KAZN: variants seen among roughly 807,000 people sequenced by gnomAD.
KAZN encodes kazrin, periplakin interacting protein.
Under a neutral mutation model 87.4 loss-of-function variants are expected in KAZN, and 40 were observed. The observed-to-expected ratio is 0.46, with a 90% CI of 0.36 to 0.60. The LOEUF is 0.60. Ranked by LOEUF, KAZN falls within the 20% of genes least tolerant of loss-of-function variation. The pLI is 0.00. For synonymous variants in KAZN, 466 were observed against 458.3 expected (o/e 1.02, Z -0.22); for missense variants, 898 against 1,073.9 (o/e 0.84, Z 2.29).
chr1:15,022,621 G>A (rs1315576254), intron 2 of KAZN, among the ~76,000 whole-genome samples: 1 of 152,186 alleles, frequency 6.6e-6, no homozygotes, highest in South Asian at 2.1e-4. Context: ...CACAGACATG[G>A]CTGGACTTGT....
intron 1 of KAZN, among the ~76,000 whole-genome samples, chr1:14,877,899 A>G (rs1652943441): frequency 6.6e-6 from 1 of 152,084 alleles, no homozygotes; most frequent in African/African-American, 2.4e-5. Context: ...TCTTTTATAT[A>G]CCAGGCTGGC....
At chr1:13,971,857 C>T (rs965490264) in intron 1 of KAZN, among the ~76,000 whole-genome samples, 12 of 152,162 alleles carry the variant, frequency 7.9e-5, no homozygotes, top group Non-Finnish European at 1.8e-4. Flanking sequence ...ACCTCCCCTC[C>T]TCCCTCTTGC....
chr1:14,595,068 C>T (rs548762432), upstream of KAZN, among the ~76,000 whole-genome samples: 168 of 151,982 alleles, frequency 1.1e-3, 3 homozygotes, highest in South Asian at 0.032. Context: ...TGCTTGAACC[C>T]GGGAGGCAGA....
intron 2 of KAZN, among the ~76,000 whole-genome samples, chr1:14,400,522 TACCCAGCATCC>T (rs1488435811): frequency 6.6e-6 from 1 of 152,156 alleles, no homozygotes; most frequent in Non-Finnish European, 1.5e-5. Context: ...CTCCAGCTCT[TACCCAGCATCC>T]ACTCAGCAGC....
chr1:14,264,106 G>A (rs1651290185), intron 2 of KAZN, among the ~76,000 whole-genome samples: 1 of 152,250 alleles, frequency 6.6e-6, no homozygotes, highest in South Asian at 2.1e-4. Flanking sequence ...TCAGGGTACA[G>A]TGTGAGTCAG....
chr1:14,335,980 A>G (rs569358444), intron 2 of KAZN, among the ~76,000 whole-genome samples: 2 of 152,356 alleles, frequency 1.3e-5, no homozygotes, highest in Non-Finnish European at 2.9e-5. Context: ...AATGCAGGTG[A>G]GAGACACTGG....
At chr1:14,681,630 TATATATATATATATATATATATATATA>T (rs1430030118) in intron 1 of KAZN, among the ~76,000 whole-genome samples, 136 of 12,194 alleles carry the variant, frequency 0.011, no homozygotes, top group African/African-American at 0.036. Flanking sequence ...TATATATATA[TATATATATATATATATATATATATATA>T]TTTTTTTTTT....
In KAZN at chr1:14,996,107, CG is replaced by C. The variant is rs1253223311; in HGVS notation, c.418+35233del. Among the ~76,000 whole-genome samples the C allele has an allele frequency of 2.0e-5, 3 of 152,158 alleles. No individual in the cohort carries two copies. The highest frequency in any genetic ancestry group is 2.9e-5 in the Non-Finnish European group (2 of 68,036). ...GAGGGTCCATACCCTGCACAGCAGA[CG>C]CGAGTGTGCATGTCAGTTTCCAGGC... On this transcript the variant is annotated intron_variant, in intron 2 of 14. Transcript: ENST00000376030. This position sits in a 1 kb window ranked among gnomAD's most constrained non-coding sequence, Gnocchi z 5.9.
chr1:13,962,123 A>G (rs1269435884), intron 1 of KAZN, among the ~76,000 whole-genome samples: 2 of 152,134 alleles, frequency 1.3e-5, no homozygotes, highest in Non-Finnish European at 2.9e-5. Flanking sequence ...GGAGAAGTGG[A>G]TGCAGGGAGG....
At chr1:14,970,141 AATC>A (rs1664867386) in intron 2 of KAZN, among the ~76,000 whole-genome samples, 1 of 152,166 alleles carries the variant, frequency 6.6e-6, no homozygotes, top group Non-Finnish European at 1.5e-5. Flanking sequence ...AATAATTAAT[AATC>A]ATCATCATTT....
chr1:13,979,930 C>CAAAAAA (rs142839854), intron 1 of KAZN, among the ~76,000 whole-genome samples: 1 of 100,456 alleles, frequency 1.0e-5, no homozygotes. Context: ...GACTCCGTCT[C>CAAAAAA]AAAAAAAAAA....
At chr1:14,430,213 C>CAAAA (rs35741487) in intron 2 of KAZN, among the ~76,000 whole-genome samples, 1 of 105,820 alleles carries the variant, frequency 9.5e-6, no homozygotes. Flanking sequence ...GCCCTGCAAC[C>CAAAA]AAAAAAAAAA....
At chr1:13,994,072 A>G (rs1413914625) in intron 1 of KAZN, among the ~76,000 whole-genome samples, 1 of 152,218 alleles carries the variant, frequency 6.6e-6, no homozygotes, top group Non-Finnish European at 1.5e-5. Context: ...CTTGGAGAAC[A>G]TCTTAAGGAA....
intron 1 of KAZN, among the ~76,000 whole-genome samples, chr1:14,150,097 C>G (rs1012152099): frequency 5.9e-5 from 9 of 152,130 alleles, no homozygotes; most frequent in Non-Finnish European, 2.9e-5. Context: ...TGACCTGTTT[C>G]CTGGAAGCAT....
chr1:14,409,601 A>C (rs1199732033), intron 2 of KAZN, among the ~76,000 whole-genome samples: 2 of 152,222 alleles, frequency 1.3e-5, no homozygotes, highest in Middle Eastern at 3.2e-3. Flanking sequence ...TGGGGAATCT[A>C]TAAGAAGCCA....
At chr1:14,467,256 A>T (rs188665662) in intron 2 of KAZN, among the ~76,000 whole-genome samples, 323 of 152,170 alleles carry the variant, frequency 2.1e-3, no homozygotes, top group Middle Eastern at 3.4e-3. Context: ...CATTAATTTG[A>T]ATTAGATTGT....
At chr1:14,890,814 C>G (rs1654625084) in intron 1 of KAZN, among the ~76,000 whole-genome samples, 1 of 151,098 alleles carries the variant, frequency 6.6e-6, no homozygotes, top group Admixed American at 6.6e-5. Flanking sequence ...CAGGTATGAG[C>G]CACTGTGCCC....
At chr1:14,976,156 G>GT (rs2101868054) in intron 2 of KAZN, among the ~76,000 whole-genome samples, 1 of 151,930 alleles carries the variant, frequency 6.6e-6, no homozygotes. Flanking sequence ...GTGGCTAACA[G>GT]TTTTTTATTT....
chr1:14,571,019 T>G (rs1190585914), intron 2 of KAZN, among the ~76,000 whole-genome samples: 1 of 152,186 alleles, frequency 6.6e-6, no homozygotes, highest in Non-Finnish European at 1.5e-5. Context: ...CTTGACAATT[T>G]TTTATATAGG....
Sources: gnomAD v4.1 joint callset for allele counts (sites outside exome capture counted in the v4.1 genomes callset) on GRCh38, gnomAD v4.1.1 for gene constraint, Gnocchi (gnomAD v3.1) non-coding constraint, MANE v1.5 for transcripts, NCBI Gene and HGNC (gene_info 2026-07-23, HGNC 2026-07-21) for gene names.